FUT8: variants seen among roughly 807,000 people sequenced by gnomAD.
FUT8 encodes the protein fucosyltransferase 8.
A neutral mutation model predicts 71.3 loss-of-function variants in FUT8; 29 were observed. The ratio of observed to expected loss-of-function variants is 0.41; its 90% CI spans 0.30 to 0.55. The LOEUF (loss-of-function observed/expected upper bound fraction) is 0.55, where lower values mean the gene tolerates loss of function less well. Ranked by LOEUF, FUT8 falls within the 20% of genes least tolerant of loss-of-function variation. The probability of loss-of-function intolerance (pLI) is 0.34; values close to 1 mark genes in which losing one functional copy is unlikely to be tolerated. For synonymous variants in FUT8, 254 were observed against 239.3 expected, an observed-to-expected ratio of 1.06 and a Z score of -0.57; for missense variants, 544 against 702.1, an observed-to-expected ratio of 0.77 and a Z score of 2.55.
chr14:65,457,350 G>T (rs2139567032), intron 2 of FUT8, among the ~76,000 whole-genome samples: 1 of 152,212 alleles, frequency 6.6e-6, no homozygotes, highest in East Asian at 1.9e-4. Flanking sequence ...GAAGAAACTT[G>T]CAATTTATGG....
chr14:65,705,060 A>G (rs1228553547), intron 7 of FUT8, among the ~76,000 whole-genome samples: 2 of 152,212 alleles, frequency 1.3e-5, no homozygotes, highest in Non-Finnish European at 2.9e-5. Flanking sequence ...ACACTGCACT[A>G]TGTTTCATAT....
intron 2 of FUT8, among the ~76,000 whole-genome samples, chr14:65,460,222 C>T (rs1458747185): frequency 6.6e-6 from 1 of 152,216 alleles, no homozygotes. Flanking sequence ...TCTGCACATT[C>T]GCTGAGCAGA....
chr14:65,475,760 G>T (rs1217885570), intron 2 of FUT8, among the ~76,000 whole-genome samples: 1 of 151,874 alleles, frequency 6.6e-6, no homozygotes, highest in Non-Finnish European at 1.5e-5. Flanking sequence ...TCCAGCCTCC[G>T]CAACAGAGTG....
intron 2 of FUT8, among the ~76,000 whole-genome samples, chr14:65,521,843 GAA>G (rs1029748234): frequency 6.6e-6 from 1 of 151,122 alleles, no homozygotes; most frequent in African/African-American, 2.4e-5. Flanking sequence ...TGGATGATGA[GAA>G]AGAATTTTGG....
the FUT8 span, among the ~76,000 whole-genome samples, chr14:65,362,901 G>T: frequency 3.4e-5 from 5 of 145,162 alleles, no homozygotes; most frequent in African/African-American, 1.3e-4. Context: ...GGCGGAGCCT[G>T]CAGTGAGCTG....
At chr14:65,401,796 G>A in the FUT8 span, among the ~76,000 whole-genome samples, 1 of 151,586 alleles carries the variant, frequency 6.6e-6, no homozygotes, top group African/African-American at 2.4e-5. Context: ...GGGAGGTTGA[G>A]GCATAAGAAT....
Position 65,730,326 on chromosome 14 carries a change from G to A in FUT8, c.1260-2905G>A, listed in dbSNP as rs147591793. ...TTTATACACATAGCTTCTGTGTGAA[G>A]ATGATTGGTTAATGCTTTGTGGCTT... On this transcript the variant is annotated intron_variant, in intron 9 of 10. Transcript: ENST00000673929. Among the ~76,000 whole-genome samples, 190 of 152,284 alleles carry A rather than the reference G, an allele frequency of 1.2e-3. 1 individual carries two copies. In the East Asian group the frequency reaches 0.029, roughly 24 times the overall value.
intron 2 of FUT8, among the ~76,000 whole-genome samples, chr14:65,520,350 G>A (rs555167277): frequency 7.3e-4 from 111 of 152,006 alleles, no homozygotes; most frequent in African/African-American, 2.6e-3. Flanking sequence ...ATTTATTTTG[G>A]CACTCATTTT....
intron 1 of FUT8, among the ~76,000 whole-genome samples, chr14:65,425,415 G>A (rs1398857545): frequency 7.4e-5 from 11 of 148,636 alleles, no homozygotes; most frequent in African/African-American, 1.5e-4. Context: ...TGATCCACCC[G>A]CCTCGCCCTC....
chr14:65,378,175 A>T, the FUT8 span, among the ~76,000 whole-genome samples: 4 of 152,062 alleles, frequency 2.6e-5, no homozygotes, highest in Non-Finnish European at 4.4e-5. Flanking sequence ...AGTCTATATA[A>T]AATTAACTTT....
At chr14:65,602,564 G>C (rs1175327630) in intron 3 of FUT8, among the ~76,000 whole-genome samples, 2 of 151,496 alleles carry the variant, frequency 1.3e-5, no homozygotes, top group Non-Finnish European at 2.9e-5. Context: ...TCAAATGGTA[G>C]TTCTATTTTT....
chr14:65,478,504 T>A (rs1289972792), intron 2 of FUT8, among the ~76,000 whole-genome samples: 3 of 152,186 alleles, frequency 2.0e-5, no homozygotes. Flanking sequence ...TGTGATTTTT[T>A]TTTCTAATTT....
chr14:65,522,850 G>A (rs1883179591), intron 2 of FUT8, among the ~76,000 whole-genome samples: 1 of 151,548 alleles, frequency 6.6e-6, no homozygotes, highest in South Asian at 2.1e-4. Context: ...GCGATAGTTT[G>A]CTCAGAATGA....
In FUT8 at chr14:65,629,568, C is replaced by G. The variant is rs376707676; in HGVS notation, c.559C>G (p.Leu187Val). The G allele has an allele frequency of 6.2e-7, 1 of 1,613,714 alleles. No homozygotes were observed. Among genetic ancestry groups the G allele is most frequent in the Non-Finnish European group, 8.5e-7 (1 of 1,179,688 alleles). ...GDWREKEAKDLTELVQRRITY... is the reference protein window; with the variant it reads ...GDWREKEAKDVTELVQRRITY... ...TTGGCGGGAAAAAGAGGCCAAAGAT[C>G]TGACAGAACTGGTTCAGCGGAGAAT... is the stretch of plus-strand genomic sequence containing the variant. The change falls in exon 6 of 11, where the codon CTG becomes GTG. Residue 187 changes from leucine to valine, a missense_variant. Coordinates refer to ENST00000673929, the MANE Select transcript of FUT8 (RefSeq NM_001371533.1).
chr14:65,613,666 T>TC (rs1016269463), intron 3 of FUT8, among the ~76,000 whole-genome samples: 10 of 152,246 alleles, frequency 6.6e-5, no homozygotes, highest in Admixed American at 6.5e-4. Flanking sequence ...ATAAAATGTC[T>TC]CCAATTACTT....
At chr14:65,635,693 C>A (rs1426047513) in intron 6 of FUT8, among the ~76,000 whole-genome samples, 1 of 152,178 alleles carries the variant, frequency 6.6e-6, no homozygotes, top group African/African-American at 2.4e-5. Context: ...CCCACTTGAA[C>A]ATGGTGGATT....
intron 2 of FUT8, among the ~76,000 whole-genome samples, chr14:65,481,632 T>A (rs955189457): frequency 6.6e-6 from 1 of 152,198 alleles, no homozygotes; most frequent in Non-Finnish European, 1.5e-5. Context: ...CTTCCTTGTC[T>A]CCAGGAAAAT....
intron 2 of FUT8, among the ~76,000 whole-genome samples, chr14:65,518,606 A>G (rs922012068): frequency 2.6e-5 from 4 of 152,032 alleles, no homozygotes; most frequent in Admixed American, 6.6e-5. Context: ...GCTCACTGCA[A>G]TCTCTCCTCC....
the FUT8 span, among the ~76,000 whole-genome samples, chr14:65,401,199 T>C: frequency 6.6e-6 from 1 of 152,170 alleles, no homozygotes; most frequent in African/African-American, 2.4e-5. Context: ...AATTGCTAAG[T>C]ACTGGGAATA....
Sources: gnomAD v4.1 joint callset for allele counts (sites outside exome capture counted in the v4.1 genomes callset) on GRCh38, gnomAD v4.1.1 for gene constraint, MANE v1.5 for transcripts, NCBI Gene and HGNC (gene_info 2026-07-23, HGNC 2026-07-21) for gene names.